DHTKD1: variants seen among roughly 807,000 people sequenced by gnomAD.
DHTKD1 encodes the protein dehydrogenase E1 and transketolase domain containing 1, also known as 2-oxoadipate dehydrogenase complex component E1.
DHTKD1 carries 78 observed loss-of-function variants against 101.8 expected under a neutral mutation model. The ratio of observed to expected loss-of-function variants is 0.77; its 90% CI spans 0.64 to 0.93. The LOEUF (loss-of-function observed/expected upper bound fraction) is 0.93, where lower values mean the gene tolerates loss of function less well. Ranked by LOEUF, DHTKD1 falls within the 40% of genes least tolerant of loss-of-function variation. The probability of loss-of-function intolerance (pLI) is 0.00; values close to 1 mark genes in which losing one functional copy is unlikely to be tolerated. For missense variants in DHTKD1, 1,223 were observed against 1,161.7 expected (o/e 1.05, Z -0.77); for synonymous variants, 462 against 450.3 (o/e 1.03, Z -0.33).
intron 10 of DHTKD1, among the ~76,000 whole-genome samples, chr10:12,104,537 A>T (rs1269872078): frequency 2.0e-5 from 3 of 152,180 alleles, no homozygotes; most frequent in Non-Finnish European, 4.4e-5. Context: ...ATATTTTTTT[A>T]AAATTTGAAA....
chr10:12,102,461 G>A (rs1448498438), intron 10 of DHTKD1, among the ~76,000 whole-genome samples: 2 of 147,302 alleles, frequency 1.4e-5, no homozygotes, highest in African/African-American at 2.5e-5. Flanking sequence ...CTTGGCAAAA[G>A]CCACATTTTA....
chr10:12,112,157 TATTAAA>T (rs958261878), intron 12 of DHTKD1, among the ~76,000 whole-genome samples: 3 of 151,910 alleles, frequency 2.0e-5, no homozygotes, highest in Admixed American at 1.3e-4. Flanking sequence ...TCTACAAAAA[TATTAAA>T]ATTAGTCAGG....
intron 16 of DHTKD1, among the ~76,000 whole-genome samples, chr10:12,120,581 C>T (rs140812825): frequency 0.023 from 3,565 of 152,168 alleles, 82 homozygotes; most frequent in Non-Finnish European, 0.033. Flanking sequence ...CGTGATCCGC[C>T]CACCTCGGCC....
intron 1 of DHTKD1, among the ~76,000 whole-genome samples, chr10:12,079,211 G>A (rs1275650201): frequency 2.6e-5 from 4 of 152,106 alleles, no homozygotes; most frequent in African/African-American, 7.2e-5. Context: ...CAGCCTCTTG[G>A]GTAGTTGGGA....
intron 5 of DHTKD1, among the ~76,000 whole-genome samples, chr10:12,089,713 C>T (rs944467136): frequency 5.3e-5 from 8 of 151,914 alleles, no homozygotes; most frequent in Non-Finnish European, 1.2e-4. Flanking sequence ...CTCTGTCACT[C>T]AGGCTGGAGT....
At chr10:12,083,710 G>A (rs1421925536) in intron 2 of DHTKD1, among the ~76,000 whole-genome samples, 1 of 151,994 alleles carries the variant, frequency 6.6e-6, no homozygotes, top group East Asian at 1.9e-4. Context: ...CTCCAGCCTG[G>A]GCAACAAGAG....
At position 12,094,222 on chromosome 10, in the gene DHTKD1, G is replaced by A. The variant is rs138884194; in HGVS notation, c.1309G>A (p.Glu437Lys). 1 of 1,614,144 alleles carries A rather than the reference G, an allele frequency of 6.2e-7. No individual in the cohort carries two copies. Among genetic ancestry groups the A allele is most frequent in the African/African-American group, 1.3e-5 (1 of 75,034 alleles). Reference protein sequence around the residue: ...LLCYRQWGHNELDEPFYTNPI... With the variant: ...LLCYRQWGHNKLDEPFYTNPI... ...GTGCTACAGGCAGTGGGGCCACAAT[G>A]AGCTGGATGAGCCATTCTACACCAA... Residue 437 changes from glutamate (E) to lysine (K), a missense_variant, in exon 7 of 17, where the codon GAG becomes AAG. Physicochemically the swap from Glu to Lys is moderately conservative, Grantham distance 56. Transcript: ENST00000263035.
chr10:12,069,179 GC>G lies in DHTKD1; in HGVS notation c.152del (p.Pro51GlnfsTer10). On this transcript the variant is annotated frameshift_variant, in exon 1 of 17. Transcript: ENST00000263035. LOFTEE classifies it high-confidence loss of function. ...CGCGAGCCCCAGGGCGCCCTGGAGC[GC>G]CCCCCAGGTCGGGGATGGGGCCCGG... Reference protein sequence around the residue: ...ESREPQGALERPPVDHGLARL... With the variant: ...ESREPQGALEXPPVDHGLARL... The G allele has an allele frequency of 6.4e-7, 1 of 1,551,070 alleles. No homozygotes were observed. Among genetic ancestry groups the G allele is most frequent in the East Asian group, 2.4e-5 (1 of 41,006 alleles).
chr10:12,121,038 G>A lies in DHTKD1; in HGVS notation c.*150G>A. On this transcript the variant is annotated 3_prime_UTR_variant, in exon 17 of 17. Transcript: ENST00000263035. ...AGTTCGAGACCAGCCTGGCCAACACGGTGAAACCCCGCCTCTACTAAAAAT... is the reference window on the plus strand; with the variant it reads ...AGTTCGAGACCAGCCTGGCCAACACAGTGAAACCCCGCCTCTACTAAAAAT... The A allele has an allele frequency of 3.5e-6, 2 of 565,392 alleles. No individual in the cohort carries two copies. Among genetic ancestry groups the A allele is most frequent in the Non-Finnish European group, 6.3e-6 (2 of 315,528 alleles). The allele number at this position is 565,392 out of a possible 1,614,324, so 35.0% of individuals were successfully genotyped here.
chr10:12,075,493 G>T (rs972243887), intron 1 of DHTKD1, among the ~76,000 whole-genome samples: 1 of 152,068 alleles, frequency 6.6e-6, no homozygotes, highest in Non-Finnish European at 1.5e-5. Flanking sequence ...GTCCGCCTCG[G>T]TCTACCAAAG....
chr10:12,099,752 CTG>C (rs1316162906), intron 8 of DHTKD1, among the ~76,000 whole-genome samples: 1 of 148,720 alleles, frequency 6.7e-6, no homozygotes, highest in Non-Finnish European at 1.5e-5. Flanking sequence ...CTTTTGTACT[CTG>C]TTTTTATTCA....
Position 12,100,274 on chromosome 10 carries a change from C to CTTTTTTTTTTATTTTTTTTTT in DHTKD1, c.1756+22_1756+23insATTTTTTTTTTTTTTTTTTTT. ...TTTACTTGCTCAAGGTAAGAATTTTCTTTTTTTTTTCTGTTTTTTTTTTTT... is the reference window on the plus strand; with the variant it reads ...TTTACTTGCTCAAGGTAAGAATTTTCTTTTTTTTTTATTTTTTTTTTTTTTTTTTTTCTGTTTTTTTTTTTT... On this transcript the variant is annotated intron_variant, in intron 9 of 16. Coordinates refer to ENST00000263035, the MANE Select transcript of DHTKD1 (RefSeq NM_018706.7). The CTTTTTTTTTTATTTTTTTTTT allele has an allele frequency of 2.8e-6, 1 of 351,674 alleles. No homozygotes were observed. Among genetic ancestry groups the CTTTTTTTTTTATTTTTTTTTT allele is most frequent in the Non-Finnish European group, 4.3e-6 (1 of 232,896 alleles). 21.8% of individuals were successfully genotyped at this position (351,674 alleles called of 1,614,324 possible). A position where few individuals can be genotyped will look rare whatever the true frequency, so the allele number is the denominator to read the frequency against.
At chr10:12,074,915 G>C (rs923930559) in intron 1 of DHTKD1, among the ~76,000 whole-genome samples, 38 of 152,020 alleles carry the variant, frequency 2.5e-4, no homozygotes, top group Middle Eastern at 6.8e-3. Flanking sequence ...TACTTGAGGT[G>C]AGGAGTTCAA....
chr10:12,073,394 A>G (rs1209330939), intron 1 of DHTKD1, among the ~76,000 whole-genome samples: 1 of 149,832 alleles, frequency 6.7e-6, no homozygotes, highest in East Asian at 2.0e-4. Flanking sequence ...TCACCCAGGC[A>G]GGAGTGCAGT....
Position 12,118,869 on chromosome 10 carries a change from C to T in DHTKD1, c.2523C>T (p.Phe841=), listed in dbSNP as rs12769375. The change falls in exon 15 of 17, where the codon TTC becomes TTT. Residue 841 remains phenylalanine, a synonymous_variant. Coordinates refer to ENST00000263035, the MANE Select transcript of DHTKD1 (RefSeq NM_018706.7). ...AIIRVEELCP[F]PLDSLQQEMS... ...TCCGAGTAGAGGAACTCTGCCCCTTCCCGTTGGATTCTTTACAGCAAGAGA... is the reference window on the plus strand; with the variant it reads ...TCCGAGTAGAGGAACTCTGCCCCTTTCCGTTGGATTCTTTACAGCAAGAGA... 1.9e-3 allele frequency: 2,978 copies of T among 1,606,480 alleles called. 55 individuals are homozygous for T. The African/African-American group carries it at 0.036, about 19-fold the overall frequency.
intron 7 of DHTKD1, among the ~76,000 whole-genome samples, chr10:12,095,107 A>G (rs1564393236): frequency 1.3e-5 from 2 of 152,214 alleles, no homozygotes; most frequent in Non-Finnish European, 2.9e-5. Flanking sequence ...ATTCATTTCT[A>G]CAAACCATAG....
At chr10:12,105,169 T>G (rs1410377620) in intron 10 of DHTKD1, among the ~76,000 whole-genome samples, 1 of 152,180 alleles carries the variant, frequency 6.6e-6, no homozygotes. Flanking sequence ...TTTTTAACCT[T>G]CTCAGAGATA....
At position 12,087,402 on chromosome 10, in the gene DHTKD1, A is replaced by T. The variant is rs548841813; in HGVS notation, c.523-133A>T. On this transcript the variant is annotated intron_variant, in intron 3 of 16. Coordinates refer to ENST00000263035, the MANE Select transcript of DHTKD1 (RefSeq NM_018706.7). The surrounding 1 kb of genome is among the most constrained non-coding windows in gnomAD (Gnocchi z 5.2). ...TCCGTGTTATGTCTCTCTCCGGGAT[A>T]TGTAGTAAAGTGGCATTGCTGTGGC... 2 of 657,102 alleles carry T rather than the reference A, an allele frequency of 3.0e-6. No homozygotes were observed. The highest frequency in any genetic ancestry group is 3.6e-5 in the African/African-American group (2 of 55,010). 40.7% of individuals were successfully genotyped at this position (657,102 alleles called of 1,614,324 possible). A position where few individuals can be genotyped will look rare whatever the true frequency, so the allele number is the denominator to read the frequency against.
intron 9 of DHTKD1, 37 bp downstream of exon 9, chr10:12,100,299 T>TTTTTTTTTTTTTTTTTTTTTTTTTTA: frequency 1.1e-6 from 1 of 888,594 alleles, no homozygotes. Context: ...TTTTTTTTTT[T>TTTTTTTTTTTTTTTTTTTTTTTTTTA]TTGAGTCTCA....
Sources: gnomAD v4.1 joint callset for allele counts (sites outside exome capture counted in the v4.1 genomes callset) on GRCh38, gnomAD v4.1.1 for gene constraint, Gnocchi (gnomAD v3.1) non-coding constraint, MANE v1.5 for transcripts, NCBI Gene and HGNC (gene_info 2026-07-23, HGNC 2026-07-21) for gene names.